NT5DC3: variants seen among roughly 807,000 people sequenced by gnomAD.
NT5DC3 encodes 5'-nucleotidase domain containing 3.
A neutral mutation model predicts 67.8 loss-of-function variants in NT5DC3; 42 were observed. The observed-to-expected ratio is 0.62, with a 90% CI of 0.48 to 0.80. NT5DC3 has a LOEUF of 0.80. Ranked by LOEUF, NT5DC3 falls within the 30% of genes least tolerant of loss-of-function variation. The pLI, the probability that NT5DC3 is intolerant of heterozygous loss-of-function variation, is 0.00. For missense variants in NT5DC3, 570 were observed against 696.4 expected, an observed-to-expected ratio of 0.82 and a Z score of 2.04; for synonymous variants, 237 against 255.6, an observed-to-expected ratio of 0.93 and a Z score of 0.69.
chr12:103,839,494 A>G (rs1888289596), intron 1 of NT5DC3, among the ~76,000 whole-genome samples: 1 of 152,168 alleles, frequency 6.6e-6, no homozygotes, highest in Non-Finnish European at 1.5e-5. Flanking sequence ...TGCCTGCTTC[A>G]ACCTCCCAAA....
At chr12:103,766,303 G>C, downstream of NT5DC3, 1 of 1,614,102 alleles carries the variant, frequency 6.2e-7, no homozygotes, top group South Asian at 1.1e-5. Context: ...AAGAACGGCA[G>C]CTTGAGGGCA....
chr12:103,806,659 T>TA (rs1212665196), intron 3 of NT5DC3, among the ~76,000 whole-genome samples, 196 bp downstream of exon 3: 3 of 152,210 alleles, frequency 2.0e-5, no homozygotes, highest in Non-Finnish European at 4.4e-5. Context: ...CCTAAATAGC[T>TA]AAATGCATTT....
the NT5DC3 span, among the ~76,000 whole-genome samples, chr12:103,754,647 T>C: frequency 6.6e-6 from 1 of 152,048 alleles, no homozygotes; most frequent in Admixed American, 6.6e-5. Flanking sequence ...GATGATATTA[T>C]GATGAAGAAT....
chr12:103,824,020 C>T (rs2139447890), intron 1 of NT5DC3, among the ~76,000 whole-genome samples: 1 of 152,312 alleles, frequency 6.6e-6, no homozygotes, highest in Non-Finnish European at 1.5e-5. Flanking sequence ...AACATGTGAA[C>T]CTCTTCTAAT....
chr12:103,772,198 C>T (rs117365899), downstream of NT5DC3: 67 of 152,074 alleles, frequency 4.4e-4, 1 homozygote, highest in East Asian at 0.012. Context: ...GTAGAAATAA[C>T]CTCAAGTCCT....
At chr12:103,766,630 A>G (rs1309106081), downstream of NT5DC3, 1 of 353,984 alleles carries the variant, frequency 2.8e-6, no homozygotes, top group Non-Finnish European at 5.2e-6. Flanking sequence ...TCCCTGTTAG[A>G]TTGTAAGCCT....
the NT5DC3 span, chr12:103,750,772 G>C: frequency 6.4e-7 from 1 of 1,560,374 alleles, no homozygotes; most frequent in Non-Finnish European, 8.7e-7. Flanking sequence ...TCAGGCCTGG[G>C]GAAGGGACCC....
chr12:103,834,423 GA>G (rs1051147158), intron 1 of NT5DC3, among the ~76,000 whole-genome samples: 1 of 152,114 alleles, frequency 6.6e-6, no homozygotes, highest in Non-Finnish European at 1.5e-5. Context: ...TCAAAAACAG[GA>G]AAAAGTCTGA....
intron 1 of NT5DC3, among the ~76,000 whole-genome samples, chr12:103,818,651 C>T (rs939601905): frequency 6.6e-6 from 1 of 152,322 alleles, no homozygotes; most frequent in East Asian, 1.9e-4. Flanking sequence ...GCTGGGGTTA[C>T]CAGCGTGAGC....
At chr12:103,790,694 CTTTTTT>C (rs67812943) in intron 9 of NT5DC3, among the ~76,000 whole-genome samples, 5 of 74,418 alleles carry the variant, frequency 6.7e-5, no homozygotes, top group East Asian at 4.5e-4. Context: ...CCAAGTACAT[CTTTTTT>C]TTTTTTTTTT....
intron 12 of NT5DC3, among the ~76,000 whole-genome samples, chr12:103,780,874 CA>C (rs1311708783): frequency 1.1e-4 from 17 of 152,276 alleles, no homozygotes; most frequent in Non-Finnish European, 1.8e-4. Flanking sequence ...TATGTGCTTA[CA>C]TTTGGAAATT....
chr12:103,793,016 C>T lies in NT5DC3; in HGVS notation c.1019+148G>A. 3 of 654,218 alleles carry T rather than the reference C, an allele frequency of 4.6e-6. No individual in the cohort carries two copies. In the South Asian group the frequency reaches 5.6e-5, roughly 12 times the overall value. 40.5% of individuals were successfully genotyped at this position (654,218 alleles called of 1,614,324 possible). ...TGTTACGTGCTCATGTCACTCTCCTCATGATTACTTGCTAGAAGGGTTAAA... is the reference window on the plus strand; with the variant it reads ...TGTTACGTGCTCATGTCACTCTCCTTATGATTACTTGCTAGAAGGGTTAAA... On this transcript the variant is annotated intron_variant, in intron 9 of 13. Coordinates refer to ENST00000392876, the MANE Select transcript of NT5DC3 (RefSeq NM_001031701.3).
intron 4 of NT5DC3, among the ~76,000 whole-genome samples, chr12:103,805,536 A>C (rs1393765120): frequency 1.3e-5 from 2 of 152,120 alleles, no homozygotes. Context: ...AAAAAGGCCA[A>C]GTTCTCCATT....
chr12:103,755,265 T>C, the NT5DC3 span: 1 of 1,605,158 alleles, frequency 6.2e-7, no homozygotes, highest in Non-Finnish European at 8.5e-7. Context: ...ACACATGAAC[T>C]TGCAGCTGAC....
intron 1 of NT5DC3, among the ~76,000 whole-genome samples, chr12:103,831,187 A>G (rs1218351173): frequency 2.6e-5 from 4 of 152,112 alleles, no homozygotes; most frequent in Admixed American, 2.0e-4. Context: ...AGCTTCCCCC[A>G]TGCTGTTCTT....
At chr12:103,831,189 G>A (rs996866238) in intron 1 of NT5DC3, among the ~76,000 whole-genome samples, 1 of 152,160 alleles carries the variant, frequency 6.6e-6, no homozygotes, top group Admixed American at 6.5e-5. Flanking sequence ...CTTCCCCCAT[G>A]CTGTTCTTGT....
chr12:103,841,191 G>T lies in NT5DC3; in HGVS notation c.-35C>A, dbSNP rs1184540688. ...CTGCTGCCGCCACCGCCGCCGCGCC[G>T]CTCTGCGACTGCTGCTGCCCGGCCC... On this transcript the variant is annotated 5_prime_UTR_variant, in exon 1 of 14. Coordinates refer to ENST00000392876, the MANE Select transcript of NT5DC3 (RefSeq NM_001031701.3). 9 of 593,578 alleles carry T rather than the reference G, an allele frequency of 1.5e-5. No homozygotes were observed. Among genetic ancestry groups the T allele is most frequent in the Non-Finnish European group, 2.6e-5 (9 of 350,828 alleles). 36.8% of individuals were successfully genotyped at this position (593,578 alleles called of 1,614,324 possible). A position where few individuals can be genotyped will look rare whatever the true frequency, so the allele number is the denominator to read the frequency against.
intron 4 of NT5DC3, among the ~76,000 whole-genome samples, 161 bp from the exon 5 acceptor site, chr12:103,798,838 G>A (rs1886436154): frequency 6.6e-6 from 1 of 152,232 alleles, no homozygotes; most frequent in Non-Finnish European, 1.5e-5. Context: ...CAGGTAAGAT[G>A]CTACTATGTT....
At chr12:103,821,618 T>C (rs1353145700) in intron 1 of NT5DC3, among the ~76,000 whole-genome samples, 2 of 152,178 alleles carry the variant, frequency 1.3e-5, no homozygotes, top group African/African-American at 4.8e-5. Context: ...TAAGAGAACA[T>C]AAATCTGGAG....
Sources: allele counts gnomAD v4.1 joint callset (sites outside exome capture counted in the v4.1 genomes callset), GRCh38; gene constraint gnomAD v4.1.1; transcripts MANE v1.5; gene names NCBI Gene and HGNC (gene_info 2026-07-23, HGNC 2026-07-21).